Variants in NUP107 observed in about 807,000 individuals in gnomAD.
The protein encoded by NUP107 is nucleoporin 107, also known as nuclear pore complex protein Nup107.
In NUP107, 101 loss-of-function variants were observed where a neutral mutation model predicts 141.0. That is an observed-to-expected ratio of 0.72 (90% confidence interval 0.61 to 0.84). NUP107 has a LOEUF of 0.84. NUP107 is among the 40% of genes least tolerant of loss of function. NUP107 has a pLI of 0.00. For missense variants in NUP107, 941 were observed against 1,102.7 expected, an observed-to-expected ratio of 0.85 and a Z score of 2.08; for synonymous variants, 319 against 363.9, an observed-to-expected ratio of 0.88 and a Z score of 1.41.
At chr12:68,689,116 A>C in intron 2 of NUP107, 63 bp downstream of exon 2, 1 of 1,375,552 alleles carries the variant, frequency 7.3e-7, no homozygotes, top group South Asian at 1.3e-5. Context: ...AGTGTTGTAG[A>C]ATTTTCTTTT....
intron 8 of NUP107, chr12:68,706,389 G>A (rs778812867): frequency 3.1e-5 from 38 of 1,242,110 alleles, no homozygotes; most frequent in Middle Eastern, 4.2e-4. Context: ...GACAACAGTC[G>A]CTCCCTGGAC....
At chr12:68,736,685 G>A (rs1369517659) in intron 26 of NUP107, among the ~76,000 whole-genome samples, 2 of 148,680 alleles carry the variant, frequency 1.3e-5, no homozygotes, top group Admixed American at 6.7e-5. Flanking sequence ...CTGAAGTGCT[G>A]CGATTACAGG....
chr12:68,731,581 T>C (rs1470090629), intron 21 of NUP107, 26 bp from the exon 22 acceptor site: 1 of 1,395,906 alleles, frequency 7.2e-7, no homozygotes. Flanking sequence ...AATCTTTGTT[T>C]TTTGTCGCTT....
At position 68,705,650 on chromosome 12, in the gene NUP107, C is replaced by T. The variant is rs1876542238; in HGVS notation, c.729+2866C>T. On this transcript the variant is annotated intron_variant, in intron 8 of 27. Transcript: ENST00000229179. ...GCCTCCACCATGTCCATCAGAGTGA[C>T]CCAGAAGTCCTTCAAGGTGTCCAAC... The T allele has an allele frequency of 9.8e-5, 57 of 581,508 alleles. 1 individual carries two copies. Among genetic ancestry groups the T allele is most frequent in the South Asian group, 8.4e-4 (56 of 66,344 alleles). 36.0% of individuals were successfully genotyped at this position (581,508 alleles called of 1,614,324 possible). A position where few individuals can be genotyped will look rare whatever the true frequency, so the allele number is the denominator to read the frequency against.
At chr12:68,708,173 C>T (rs766050688) in intron 8 of NUP107, among the ~76,000 whole-genome samples, 6 of 152,192 alleles carry the variant, frequency 3.9e-5, no homozygotes, top group East Asian at 3.9e-4. Flanking sequence ...TTGGTATCCA[C>T]GAGGGGTCCT....
At chr12:68,693,960 C>T (rs1288272969) in intron 5 of NUP107, among the ~76,000 whole-genome samples, 1 of 152,106 alleles carries the variant, frequency 6.6e-6, no homozygotes, top group East Asian at 1.9e-4. Flanking sequence ...AGCATTAACT[C>T]ATGTAATCCT....
At chr12:68,738,821 G>A (rs1448924135) in intron 26 of NUP107, among the ~76,000 whole-genome samples, 2 of 151,980 alleles carry the variant, frequency 1.3e-5, no homozygotes, top group Non-Finnish European at 2.9e-5. Flanking sequence ...TTATACAATC[G>A]TTCCTTATAC....
intron 10 of NUP107, among the ~76,000 whole-genome samples, chr12:68,713,386 A>C (rs916958892): frequency 6.6e-6 from 1 of 151,916 alleles, no homozygotes; most frequent in Non-Finnish European, 1.5e-5. Flanking sequence ...AAAAAAAAAA[A>C]AAAAAAACCC....
At chr12:68,688,870 C>T (rs1323327063) in intron 1 of NUP107, 92 bp from the exon 2 acceptor site, 5 of 886,258 alleles carry the variant, frequency 5.6e-6, no homozygotes, top group East Asian at 2.6e-5. Context: ...CCTTAACTTA[C>T]TCAGGGTCCT....
chr12:68,699,409 T>C (rs78369339), intron 6 of NUP107, among the ~76,000 whole-genome samples: 30,003 of 152,016 alleles, frequency 0.2, 3,745 homozygotes, highest in South Asian at 0.46. Context: ...ACTAAAGAAG[T>C]CTATTTTTAG....
rs758532463 is a variant in NUP107, at chr12:68,689,551, A to G, written c.119A>G (p.Glu40Gly). 1 of 1,610,480 alleles carries G rather than the reference A, an allele frequency of 6.2e-7. No individual in the cohort carries two copies. The highest frequency in any genetic ancestry group is 1.1e-5 in the South Asian group (1 of 90,386). Residue 40 changes from glutamate to glycine, a missense_variant, in exon 3 of 28, where the codon GAA becomes GGA. Coordinates refer to ENST00000229179, the MANE Select transcript of NUP107 (RefSeq NM_020401.4). ...TGTACAGTTCAGGCATCTCAAGATGAAAATTTTGGTAATACTACACCAAGA... is the reference window on the plus strand; with the variant it reads ...TGTACAGTTCAGGCATCTCAAGATGGAAATTTTGGTAATACTACACCAAGA... ...KRVLLQASQD[E>G]NFGNTTPRNQ...
Position 68,731,184 on chromosome 12 carries a change from C to T in NUP107, c.1809C>T (p.Ala603=). 6.2e-7 allele frequency: 1 copy of T among 1,611,758 alleles called. No homozygotes were observed. The highest frequency in any genetic ancestry group is 8.5e-7 in the Non-Finnish European group (1 of 1,178,896). ...TCHLPQDLAV[A]QYALFLESVT... Reference sequence around the variant, plus strand: ...ATTTGCCTCAAGACCTAGCTGTTGCCCAGTATGCATTATTTTTGGAAAGTG... The same window carrying T: ...ATTTGCCTCAAGACCTAGCTGTTGCTCAGTATGCATTATTTTTGGAAAGTG... The change falls in exon 21 of 28, where the codon GCC becomes GCT. Residue 603 remains alanine (A), a synonymous_variant. Transcript: ENST00000229179.
Position 68,725,778 on chromosome 12 carries a change from A to G in NUP107, c.1558A>G (p.Ile520Val). 1 of 1,513,714 alleles carries G rather than the reference A, an allele frequency of 6.6e-7. No homozygotes were observed. The highest frequency in any genetic ancestry group is 9.0e-7 in the Non-Finnish European group (1 of 1,109,758). The allele number at this position is 1,513,714 out of a possible 1,614,324, so 93.8% of individuals were successfully genotyped here. A position where few individuals can be genotyped will look rare whatever the true frequency, so the allele number is the denominator to read the frequency against. The change falls in exon 18 of 28, where the codon ATC becomes GTC. Residue 520 changes from isoleucine (I) to valine (V), a missense_variant. Coordinates refer to ENST00000229179, the MANE Select transcript of NUP107 (RefSeq NM_020401.4). ...EHYHIVQKFL[I>V]LGDIDGLMDE... ...TTATCATATAGTTCAAAAGTTTCTT[A>G]TCCTGGGAGACATTGATGGTAAGAT...
intron 8 of NUP107, among the ~76,000 whole-genome samples, chr12:68,707,465 G>A (rs1876645349): frequency 6.6e-6 from 1 of 152,182 alleles, no homozygotes; most frequent in Admixed American, 6.5e-5. Flanking sequence ...GCCGGGCATG[G>A]TGGTGCATGC....
chr12:68,710,769 C>T (rs1414148826), intron 10 of NUP107, among the ~76,000 whole-genome samples: 5 of 151,298 alleles, frequency 3.3e-5, no homozygotes, highest in East Asian at 1.9e-4. Context: ...ATAACATTTA[C>T]GTTGTATTAG....
intron 7 of NUP107, among the ~76,000 whole-genome samples, chr12:68,701,542 C>T (rs1247700690): frequency 6.6e-6 from 1 of 151,798 alleles, no homozygotes; most frequent in African/African-American, 2.4e-5. Context: ...ATTAGCCAGG[C>T]GTGGTGGTGG....
intron 8 of NUP107, 101 bp downstream of exon 8, chr12:68,702,885 C>T (rs1259173970): frequency 4.9e-6 from 3 of 607,538 alleles, no homozygotes; most frequent in Non-Finnish European, 8.1e-6. Flanking sequence ...CTCTTGTTGC[C>T]CAGGCTGGAG....
In NUP107 at chr12:68,734,833, A is replaced by G. The variant is rs774445584; in HGVS notation, c.2388A>G (p.Glu796=). The change falls in exon 25 of 28, where the codon GAA becomes GAG. Residue 796 remains glutamate (E), a splice_region_variant and synonymous_variant. Coordinates refer to ENST00000229179, the MANE Select transcript of NUP107 (RefSeq NM_020401.4). ...ATGAACACAAAGAAAAGAAATATGA[A>G]GTAAGTTAAATATGGATCTAGGATG... ...VAHEHKEKKY[E]MDFGIWKGHL... is the part of the protein sequence containing the mutation. 23 of 1,611,696 alleles carry G rather than the reference A, an allele frequency of 1.4e-5. No individual in the cohort carries two copies. Among genetic ancestry groups the G allele is most frequent in the Non-Finnish European group, 2.0e-5 (23 of 1,179,366 alleles).
intron 12 of NUP107, among the ~76,000 whole-genome samples, chr12:68,716,249 T>C (rs888620743): frequency 2.7e-5 from 4 of 147,732 alleles, no homozygotes; most frequent in African/African-American, 1.0e-4. Context: ...TTCTTTCTTT[T>C]TTTTTTTGAG....
Sources: gnomAD v4.1 joint callset for allele counts (sites outside exome capture counted in the v4.1 genomes callset) on GRCh38, gnomAD v4.1.1 for gene constraint, MANE v1.5 for transcripts, NCBI Gene and HGNC (gene_info 2026-07-23, HGNC 2026-07-21) for gene names.